The following VSX2 variants were observed in gnomAD, a reference collection of about 807,000 sequenced individuals.
VSX2 encodes the protein ceh-10 homeo domain containing homolog.
In VSX2, 28 loss-of-function variants were observed where a neutral mutation model predicts 32.1. The observed-to-expected ratio is 0.87, with a 90% CI of 0.65 to 1.20. The LOEUF (loss-of-function observed/expected upper bound fraction) is 1.20. VSX2 is among the 50% of genes most tolerant of loss of function. The pLI is 0.00. For synonymous variants in VSX2, 243 were observed against 214.1 expected, an observed-to-expected ratio of 1.14 and a Z score of -1.18; for missense variants, 506 against 488.7, an observed-to-expected ratio of 1.04 and a Z score of -0.33.
intron 3 of VSX2, among the ~76,000 whole-genome samples, chr14:74,258,641 TC>T (rs1340222907): frequency 1.3e-5 from 2 of 152,080 alleles, no homozygotes; most frequent in African/African-American, 4.8e-5. Context: ...TGCGAGGGGC[TC>T]CCGGCTCTGT....
In VSX2 at chr14:74,260,986, A is replaced by G. The variant is rs2079303413; in HGVS notation, c.*67A>G. 2 of 1,529,048 alleles carry G rather than the reference A, an allele frequency of 1.3e-6. No homozygotes were observed. The highest frequency in any genetic ancestry group is 1.8e-6 in the Non-Finnish European group (2 of 1,131,012). 94.7% of individuals were successfully genotyped at this position (1,529,048 alleles called of 1,614,324 possible). ...TCCTCGGGCCCTGTGGTGCTGGGAG[A>G]TGCTCTCTGAGGCAAGGCCCAGACC... On this transcript the variant is annotated 3_prime_UTR_variant, in exon 5 of 5. Coordinates refer to ENST00000261980, the MANE Select transcript of VSX2 (RefSeq NM_182894.3).
chr14:74,247,675 C>T (rs1354198046), intron 3 of VSX2, among the ~76,000 whole-genome samples: 1 of 152,102 alleles, frequency 6.6e-6, no homozygotes, highest in Non-Finnish European at 1.5e-5. Flanking sequence ...GTGGCACTGC[C>T]CACCTCTTCT....
intron 3 of VSX2, among the ~76,000 whole-genome samples, chr14:74,246,649 C>T (rs531830485): frequency 3.9e-5 from 6 of 152,302 alleles, no homozygotes; most frequent in African/African-American, 9.6e-5. Flanking sequence ...TTAAACTGCA[C>T]GGCAGTAACC....
intron 1 of VSX2, among the ~76,000 whole-genome samples, chr14:74,240,619 A>T (rs1276185020): frequency 6.6e-6 from 1 of 152,132 alleles, no homozygotes; most frequent in African/African-American, 2.4e-5. Flanking sequence ...TGAGCTTGGC[A>T]ATTCCCCCGA....
chr14:74,241,323 G>A (rs1377333355), intron 2 of VSX2, 57 bp downstream of exon 2: 13 of 1,575,076 alleles, frequency 8.3e-6, no homozygotes, highest in Middle Eastern at 1.7e-4. Flanking sequence ...GCCGTCCCCC[G>A]TTCCGGGATC....
chr14:74,250,065 A>T (rs1255935414), intron 3 of VSX2, among the ~76,000 whole-genome samples: 1 of 151,922 alleles, frequency 6.6e-6, no homozygotes, highest in African/African-American at 2.4e-5. Context: ...ACATGGCAAA[A>T]CCTCATCTCC....
At position 74,248,978 on chromosome 14, in the gene VSX2, C is replaced by G. The variant is rs75558789; in HGVS notation, c.579+3690C>G. 2.0e-3 allele frequency among the ~76,000 whole-genome samples: 302 copies of G among 152,268 alleles called. 12 individuals are homozygous for G. In the East Asian group the frequency reaches 0.053, roughly 27 times the overall value. Reference sequence around the variant, plus strand: ...TTAAGTTTAACAGGCCCAGATGGACCGCTGGAGCATACACCCCTGCTGGGC... The same window carrying G: ...TTAAGTTTAACAGGCCCAGATGGACGGCTGGAGCATACACCCCTGCTGGGC... On this transcript the variant is annotated intron_variant, in intron 3 of 4. Coordinates refer to ENST00000261980, the MANE Select transcript of VSX2 (RefSeq NM_182894.3).
intron 3 of VSX2, among the ~76,000 whole-genome samples, chr14:74,249,265 T>C (rs944067880): frequency 6.6e-6 from 1 of 152,230 alleles, no homozygotes; most frequent in Non-Finnish European, 1.5e-5. Context: ...ACCTCGTTTC[T>C]TCTCTTTTTC....
At position 74,261,426 on chromosome 14, in the gene VSX2, C is replaced by A. The variant is rs2139647200; in HGVS notation, c.*507C>A. 6.0e-6 allele frequency: 1 copy of A among 165,360 alleles called. No homozygotes were observed. Among genetic ancestry groups the A allele is most frequent in the East Asian group, 1.6e-4 (1 of 6,096 alleles). 10.2% of individuals were successfully genotyped at this position (165,360 alleles called of 1,614,324 possible). On this transcript the variant is annotated 3_prime_UTR_variant, in exon 5 of 5. Transcript: ENST00000261980. ...AAGTCTTCTCCCAACTCAGCCTGTT[C>A]CTTCCTGCAGACCTGGCTGGGCCTG...
chr14:74,259,447 T>C (rs562543375), intron 3 of VSX2, among the ~76,000 whole-genome samples, 155 bp from the exon 4 acceptor site: 3 of 145,422 alleles, frequency 2.1e-5, no homozygotes, highest in African/African-American at 8.5e-5. Flanking sequence ...GAATACTCCC[T>C]GAGCCTGGAG....
chr14:74,249,020 T>C (rs931391449), intron 3 of VSX2, among the ~76,000 whole-genome samples: 3 of 152,196 alleles, frequency 2.0e-5, no homozygotes, highest in African/African-American at 7.2e-5. Flanking sequence ...AAGAAACCCC[T>C]GCATGTCTGA....
chr14:74,248,396 G>T (rs1380572090), intron 3 of VSX2, among the ~76,000 whole-genome samples: 1 of 134,844 alleles, frequency 7.4e-6, no homozygotes, highest in African/African-American at 2.7e-5. Context: ...GAAAAGAAAA[G>T]AAATTCCTGG....
At chr14:74,252,893 A>G (rs375509231) in intron 3 of VSX2, among the ~76,000 whole-genome samples, 1 of 151,818 alleles carries the variant, frequency 6.6e-6, no homozygotes, top group East Asian at 2.0e-4. Flanking sequence ...TACTAAAAAT[A>G]CAAAAATAAG....
chr14:74,244,469 T>G (rs932466251), intron 2 of VSX2, among the ~76,000 whole-genome samples: 2 of 151,732 alleles, frequency 1.3e-5, no homozygotes, highest in Admixed American at 6.6e-5. Context: ...GAAGGGGTGC[T>G]GGGGGGAGTT....
chr14:74,254,283 T>C (rs1020943136), intron 3 of VSX2, among the ~76,000 whole-genome samples: 1 of 151,674 alleles, frequency 6.6e-6, no homozygotes, highest in Non-Finnish European at 1.5e-5. Flanking sequence ...TGCTGCCAGG[T>C]GCCTGTAATC....
chr14:74,260,933 C>A lies in VSX2; in HGVS notation c.*14C>A, dbSNP rs1398365726. 2 of 1,551,154 alleles carry A rather than the reference C, an allele frequency of 1.3e-6. No homozygotes were observed. The highest frequency in any genetic ancestry group is 3.9e-5 in the Admixed American group (2 of 51,236). ...GACATGGCTTAGGTCAAGGCGCGCTCAGATGCCGGAGCCCCAAGACTCTGC... is the reference window on the plus strand; with the variant it reads ...GACATGGCTTAGGTCAAGGCGCGCTAAGATGCCGGAGCCCCAAGACTCTGC... On this transcript the variant is annotated 3_prime_UTR_variant, in exon 5 of 5. Transcript: ENST00000261980.
chr14:74,259,467 G>A (rs1366259470), intron 3 of VSX2, 135 bp from the exon 4 acceptor site: 2 of 929,234 alleles, frequency 2.2e-6, no homozygotes, highest in Non-Finnish European at 3.4e-6. Context: ...GGAACACAGA[G>A]GGCACCATGG....
In VSX2 at chr14:74,239,867, C is replaced by T. The variant is rs886050737; in HGVS notation, c.306C>T (p.Ser102=). The T allele has an allele frequency of 2.5e-6, 4 of 1,576,620 alleles. No homozygotes were observed. Among genetic ancestry groups the T allele is most frequent in the African/African-American group, 2.7e-5 (2 of 74,398 alleles). The part of the protein sequence containing the change: ...TFLEVLSDPQ[S]VHLQPLGRAS... ...TGGAAGTGCTGTCCGACCCGCAGAG[C>T]GTCCACTTGCAGCCATTGGGCAGAG... Residue 102 remains serine (S), a synonymous_variant, in exon 1 of 5, where the codon AGC becomes AGT. Coordinates refer to ENST00000261980, the MANE Select transcript of VSX2 (RefSeq NM_182894.3).
rs1421571483 is a variant in VSX2 at position 74,239,859 on chromosome 14, C to T, written c.298C>T (p.Pro100Ser). The T allele has an allele frequency of 1.3e-6, 2 of 1,578,010 alleles. No individual in the cohort carries two copies. The highest frequency in any genetic ancestry group is 1.2e-5 in the South Asian group (1 of 86,196). Reference sequence around the variant, plus strand: ...CACCTTCCTGGAAGTGCTGTCCGACCCGCAGAGCGTCCACTTGCAGCCATT... The same window carrying T: ...CACCTTCCTGGAAGTGCTGTCCGACTCGCAGAGCGTCCACTTGCAGCCATT... Reference protein sequence around the residue: ...QPTFLEVLSDPQSVHLQPLGR... With the variant: ...QPTFLEVLSDSQSVHLQPLGR... Residue 100 changes from proline to serine, a missense_variant, in exon 1 of 5, where the codon CCG becomes TCG. Transcript: ENST00000261980.
Sources: allele counts gnomAD v4.1 joint callset (sites outside exome capture counted in the v4.1 genomes callset), GRCh38; gene constraint gnomAD v4.1.1; transcripts MANE v1.5; gene names NCBI Gene and HGNC (gene_info 2026-07-23, HGNC 2026-07-21).